Variants in MYO7A observed in about 807,000 individuals in gnomAD.
MYO7A encodes unconventional myosin-VIIa.
MYO7A carries 210 observed loss-of-function variants against 263.8 expected under a neutral mutation model. The observed-to-expected ratio is 0.80, with a 90% confidence interval of 0.71 to 0.89. MYO7A has a LOEUF of 0.89. Among genes scored for constraint, MYO7A ranks in the 40% least tolerant of loss-of-function variants. The pLI is 0.00. For missense variants in MYO7A, 2,820 were observed against 2,968.3 expected, an observed-to-expected ratio of 0.95 and a Z score of 1.16; for synonymous variants, 1,239 against 1,197.3, an observed-to-expected ratio of 1.03 and a Z score of -0.72.
rs999937416 is a variant in MYO7A, at chr11:77,139,039, G to A, written c.19-3670G>A. 3.9e-5 allele frequency among the ~76,000 whole-genome samples: 6 copies of A among 152,332 alleles called. 1 individual carries two copies. Among genetic ancestry groups the A allele is most frequent in the Middle Eastern group, 6.8e-3 (2 of 294 alleles). On this transcript the variant is annotated intron_variant, in intron 2 of 48. Transcript: ENST00000409709. ...GAATTATTAATATTGGCTCGAGACC[G>A]GCTTGATGCCTGGGAGGAAGGAGGG...
intron 47 of MYO7A, among the ~76,000 whole-genome samples, chr11:77,213,454 C>A (rs1957994724): frequency 6.6e-6 from 1 of 152,234 alleles, no homozygotes; most frequent in African/African-American, 2.4e-5. Flanking sequence ...CTTCATGCAT[C>A]ACGCATTCCT....
chr11:77,166,420 T>A (rs1484571901), intron 15 of MYO7A, among the ~76,000 whole-genome samples: 1 of 152,116 alleles, frequency 6.6e-6, no homozygotes, highest in Non-Finnish European at 1.5e-5. Context: ...GCAGAACCGG[T>A]CAGGGATCGG....
At chr11:77,180,335 C>T (rs1367846994) in intron 21 of MYO7A, 39 bp from the exon 22 acceptor site, 3 of 1,566,132 alleles carry the variant, frequency 1.9e-6, no homozygotes, top group Admixed American at 1.8e-5. Flanking sequence ...ACAACAGCTA[C>T]ACACATTTCC....
chr11:77,185,981 G>A (rs1555088227), intron 27 of MYO7A, among the ~76,000 whole-genome samples: 1 of 148,478 alleles, frequency 6.7e-6, no homozygotes, highest in Non-Finnish European at 1.5e-5. Flanking sequence ...GGAGTGCAGT[G>A]GCGCCATCTC....
chr11:77,205,194 A>T (rs1957360734), intron 39 of MYO7A, among the ~76,000 whole-genome samples: 1 of 152,208 alleles, frequency 6.6e-6, no homozygotes, highest in Admixed American at 6.5e-5. Flanking sequence ...ATTGTGGCAT[A>T]AGCCCCTTAT....
chr11:77,157,510 T>C, intron 8 of MYO7A, 118 bp downstream of exon 8: 2 of 683,634 alleles, frequency 2.9e-6, no homozygotes, highest in Non-Finnish European at 4.9e-6. Context: ...GCCAGCTTCT[T>C]GCTGGCTTGT....
At chr11:77,175,520 G>A in intron 18 of MYO7A, 56 bp downstream of exon 18, 1 of 1,493,820 alleles carries the variant, frequency 6.7e-7, no homozygotes, top group South Asian at 1.1e-5. Context: ...TTCCCATGAT[G>A]TGGGCTGGGG....
At chr11:77,154,863 G>A (rs1006452612) in intron 4 of MYO7A, among the ~76,000 whole-genome samples, 2 of 151,934 alleles carry the variant, frequency 1.3e-5, no homozygotes, top group East Asian at 3.9e-4. Context: ...CCCAGGGTGG[G>A]CATTTCCCCT....
Position 77,162,953 on chromosome 11 carries a change from A to G in MYO7A, c.1655A>G (p.Asn552Ser), listed in dbSNP as rs782043663. Residue 552 changes from asparagine to serine, a missense_variant, in exon 14 of 49, where the codon AAC becomes AGC. By Grantham distance (46) the Asn-to-Ser change is conservative (BLOSUM62 1). Coordinates refer to ENST00000409709, the MANE Select transcript of MYO7A (RefSeq NM_000260.4). ...AACCATGAGACCCAGTTTGGCATCAACCATTTTGCAGGCATCGTCTACTAT... is the reference window on the plus strand; with the variant it reads ...AACCATGAGACCCAGTTTGGCATCAGCCATTTTGCAGGCATCGTCTACTAT... The part of the protein sequence containing the change: ...KNNHETQFGI[N>S]HFAGIVYYET... 45 of 1,613,722 alleles carry G rather than the reference A, an allele frequency of 2.8e-5. No homozygotes were observed. The highest frequency in any genetic ancestry group is 5.3e-5 in the African/African-American group (4 of 74,866).
chr11:77,150,213 C>T (rs1363715032), intron 4 of MYO7A, among the ~76,000 whole-genome samples: 5 of 152,324 alleles, frequency 3.3e-5, no homozygotes, highest in South Asian at 2.1e-4. Flanking sequence ...GAAGTTTTCC[C>T]GCCGGGCCCC....
intron 4 of MYO7A, among the ~76,000 whole-genome samples, chr11:77,155,144 T>C (rs571334823): frequency 6.6e-6 from 1 of 152,290 alleles, no homozygotes; most frequent in East Asian, 1.9e-4. Context: ...CTCACCCTGC[T>C]CTGGTGGCAG....
intron 44 of MYO7A, among the ~76,000 whole-genome samples, chr11:77,209,511 C>A (rs1223750789): frequency 6.6e-6 from 1 of 152,142 alleles, no homozygotes; most frequent in Non-Finnish European, 1.5e-5. Context: ...AACCTGGGAT[C>A]TACCTTTCCT....
intron 47 of MYO7A, 44 bp from the exon 48 acceptor site, chr11:77,213,816 C>CA (rs767952262): frequency 6.2e-7 from 1 of 1,613,500 alleles, no homozygotes; most frequent in East Asian, 2.2e-5. Context: ...AGTGAGGCCA[C>CA]AGGGCCCAGG....
chr11:77,174,681 G>T, intron 16 of MYO7A, 75 bp from the exon 17 acceptor site: 1 of 1,472,962 alleles, frequency 6.8e-7, no homozygotes, highest in Non-Finnish European at 9.1e-7. Flanking sequence ...CTTTGTCTGG[G>T]TTGGTCAAGT....
chr11:77,132,237 C>G (rs1950785915), intron 2 of MYO7A, among the ~76,000 whole-genome samples: 1 of 152,122 alleles, frequency 6.6e-6, no homozygotes, highest in Non-Finnish European at 1.5e-5. Context: ...ACCCCAGGGC[C>G]TGGTCCACAG....
chr11:77,187,594 C>A (rs1363589541), intron 27 of MYO7A, among the ~76,000 whole-genome samples: 1 of 152,202 alleles, frequency 6.6e-6, no homozygotes, highest in African/African-American at 2.4e-5. Flanking sequence ...TACCTCCTTC[C>A]CCACAGGGCC....
rs782617438 is a variant in MYO7A, at chr11:77,157,348, A to C, written c.805A>C (p.Lys269Gln). ...LEGMSEDQKK[K>Q]LGLGQASDYN... ...GGGTATGAGTGAGGATCAGAAGAAGAAGCTGGGCTTGGGCCAGGCCTCTGA... is the reference window on the plus strand; with the variant it reads ...GGGTATGAGTGAGGATCAGAAGAAGCAGCTGGGCTTGGGCCAGGCCTCTGA... The change falls in exon 8 of 49, where the codon AAG becomes CAG. Residue 269 changes from lysine to glutamine, a missense_variant. Lys to Gln is a moderately conservative substitution (Grantham distance 53). Transcript: ENST00000409709. 6.2e-7 allele frequency: 1 copy of C among 1,612,230 alleles called. No individual in the cohort carries two copies. The highest frequency in any genetic ancestry group is 1.1e-5 in the South Asian group (1 of 90,512).
At chr11:77,188,374 C>T (rs1465724019) in intron 27 of MYO7A, among the ~76,000 whole-genome samples, 1 of 152,142 alleles carries the variant, frequency 6.6e-6, no homozygotes, top group Non-Finnish European at 1.5e-5. Flanking sequence ...AGATAGTGGG[C>T]AGGTTGTGTG....
At chr11:77,193,509 G>A (rs1005593430) in intron 31 of MYO7A, among the ~76,000 whole-genome samples, 33 of 151,712 alleles carry the variant, frequency 2.2e-4, no homozygotes, top group Non-Finnish European at 3.2e-4. Context: ...CAGTAATGAT[G>A]TTGGTGATAG....
Sources: gnomAD v4.1 joint callset for allele counts (sites outside exome capture counted in the v4.1 genomes callset) on GRCh38, gnomAD v4.1.1 for gene constraint, MANE v1.5 for transcripts, NCBI Gene and HGNC (gene_info 2026-07-23, HGNC 2026-07-21) for gene names.